DYNLT5: variants seen among roughly 807,000 people sequenced by gnomAD.
The protein encoded by DYNLT5 is dynein light chain Tctex-type 5.
In DYNLT5, 25 loss-of-function variants were observed where a neutral mutation model predicts 19.3. The observed-to-expected ratio is 1.30, with a 90% CI of 0.95 to 1.81. The LOEUF (loss-of-function observed/expected upper bound fraction) is 1.81, where lower values mean the gene tolerates loss of function less well. Ranked by LOEUF, DYNLT5 falls within the 40% of genes most tolerant of loss-of-function variation. DYNLT5 has a pLI of 0.00. For missense variants in DYNLT5, 232 were observed against 217.9 expected (o/e 1.06, Z -0.41); for synonymous variants, 82 against 68.9 (o/e 1.19, Z -0.94).
chr1:66,776,253 G>A (rs1172977805), intron 3 of DYNLT5, 26 bp from the exon 4 acceptor site: 1 of 1,607,364 alleles, frequency 6.2e-7, no homozygotes, highest in Non-Finnish European at 8.5e-7. Flanking sequence ...TTACTTTTTA[G>A]AAATAAATTT....
At chr1:66,757,895 G>A (rs1450976481) in intron 2 of DYNLT5, among the ~76,000 whole-genome samples, 2 of 152,146 alleles carry the variant, frequency 1.3e-5, no homozygotes, top group East Asian at 1.9e-4. Flanking sequence ...TCACTTGTGC[G>A]TTGTCTCTGG....
At position 66,777,315 on chromosome 1, in the gene DYNLT5, T is replaced by G. The variant is rs370521417; in HGVS notation, c.401T>G (p.Ile134Ser). 6.2e-7 allele frequency: 1 copy of G among 1,614,006 alleles called. No homozygotes were observed. The highest frequency in any genetic ancestry group is 1.1e-5 in the South Asian group (1 of 91,068). ...PRYKLIVIVH[I>S]GQLNRQSILI... ...TATAAACTAATTGTGATTGTTCACA[T>G]TGGACAACTGAACAGGCAGAGCATA... The change falls in exon 5 of 5, where the codon ATT becomes AGT. Residue 134 changes from isoleucine to serine, a missense_variant. By Grantham distance (142) the Ile-to-Ser change is moderately radical (BLOSUM62 -2). Transcript: ENST00000282670.
At chr1:66,762,056 T>G (rs2094646865) in intron 2 of DYNLT5, among the ~76,000 whole-genome samples, 1 of 152,234 alleles carries the variant, frequency 6.6e-6, no homozygotes, top group Admixed American at 6.5e-5. Flanking sequence ...AGAAACCACT[T>G]TCTTTGCTCA....
At chr1:66,754,873 G>T (rs1298596765) in intron 2 of DYNLT5, 96 bp downstream of exon 2, 3 of 1,312,074 alleles carry the variant, frequency 2.3e-6, no homozygotes, top group Non-Finnish European at 3.0e-6. Context: ...GACATAAAAA[G>T]AGATAAAATG....
At chr1:66,766,239 A>G (rs1171808333) in intron 2 of DYNLT5, among the ~76,000 whole-genome samples, 1 of 152,228 alleles carries the variant, frequency 6.6e-6, no homozygotes, top group Non-Finnish European at 1.5e-5. Flanking sequence ...AAACCGTAGC[A>G]TTCACTTTAC....
At chr1:66,770,907 A>T (rs1645200167) in intron 3 of DYNLT5, 3 of 226,988 alleles carry the variant, frequency 1.3e-5, no homozygotes, top group African/African-American at 7.0e-5. Flanking sequence ...AGAGACGTTT[A>T]TCCATTACCA....
At chr1:66,765,387 A>G (rs1368750608) in intron 2 of DYNLT5, among the ~76,000 whole-genome samples, 1 of 152,180 alleles carries the variant, frequency 6.6e-6, no homozygotes, top group Non-Finnish European at 1.5e-5. Flanking sequence ...CTGCAGCTTC[A>G]AAACATCTAG....
intron 2 of DYNLT5, among the ~76,000 whole-genome samples, chr1:66,767,029 A>G (rs757088040): frequency 1.3e-5 from 2 of 152,062 alleles, no homozygotes; most frequent in African/African-American, 2.4e-5. Context: ...AAAGATAACT[A>G]TTGGGTACTA....
rs1645166265 is a variant in DYNLT5 at position 66,767,373 on chromosome 1, C to A, written c.120-3014C>A. Among the ~76,000 whole-genome samples the A allele has an allele frequency of 2.0e-5, 3 of 152,144 alleles. No individual in the cohort carries two copies. The South Asian group carries it at 6.2e-4, about 31-fold the overall frequency. ...TTTCGAGCTGTGCTTGTGCCTCAGCCTCCCAAGTAGCTGGGATCTCAGGTA... is the reference window on the plus strand; with the variant it reads ...TTTCGAGCTGTGCTTGTGCCTCAGCATCCCAAGTAGCTGGGATCTCAGGTA... On this transcript the variant is annotated intron_variant, in intron 2 of 4. Transcript: ENST00000282670.
chr1:66,770,328 T>G (rs1645196726), intron 2 of DYNLT5, 59 bp from the exon 3 acceptor site: 1 of 1,111,348 alleles, frequency 9.0e-7, no homozygotes, highest in Non-Finnish European at 1.4e-6. Flanking sequence ...AAAGCAATAT[T>G]GTATTTTGTT....
At chr1:66,776,546 T>C in intron 4 of DYNLT5, 143 bp downstream of exon 4, 1 of 762,334 alleles carries the variant, frequency 1.3e-6, no homozygotes, top group Non-Finnish European at 1.8e-6. Flanking sequence ...ATTCTACATA[T>C]ATGTGTGTGT....
intron 3 of DYNLT5, among the ~76,000 whole-genome samples, chr1:66,774,405 A>ATTTTAC: frequency 3.8e-5 from 1 of 26,386 alleles, no homozygotes; most frequent in South Asian, 1.1e-3. Flanking sequence ...TTTAAGAACC[A>ATTTTAC]CTTTCTAGAT....
chr1:66,764,034 C>T (rs2150863086), intron 2 of DYNLT5, among the ~76,000 whole-genome samples: 1 of 151,832 alleles, frequency 6.6e-6, no homozygotes, highest in Non-Finnish European at 1.5e-5. Flanking sequence ...AAAATTAAAA[C>T]AAAATTAGCC....
chr1:66,755,723 G>C (rs566183640), intron 2 of DYNLT5: 1 of 152,262 alleles, frequency 6.6e-6, no homozygotes, highest in East Asian at 1.9e-4. Flanking sequence ...TTTTACAGGT[G>C]GGAAACTGAC....
chr1:66,776,378 G>T lies in DYNLT5; in HGVS notation c.311G>T (p.Arg104Ile). Residue 104 changes from arginine (R) to isoleucine (I), a missense_variant, in exon 4 of 5, where the codon AGA (arginine) becomes ATA (isoleucine). Transcript: ENST00000282670. ...GAAGAATATGAACCAGAGCTCTGTA[G>T]ACAGATGACTAAAACCATTTCTGAG... is the stretch of plus-strand genomic sequence containing the variant. ...QVEEYEPELC[R>I]QMTKTISEVI... 6.2e-7 allele frequency: 1 copy of T among 1,605,676 alleles called. No individual in the cohort carries two copies.
In DYNLT5 at chr1:66,760,062, T is replaced by C. The variant is rs372365376; in HGVS notation, c.119+5285T>C. Among the ~76,000 whole-genome samples, 13 of 152,280 alleles carry C rather than the reference T, an allele frequency of 8.5e-5. No individual in the cohort carries two copies. The East Asian group carries it at 1.2e-3, about 14-fold the overall frequency. On this transcript the variant is annotated intron_variant, in intron 2 of 4. Coordinates refer to ENST00000282670, the MANE Select transcript of DYNLT5 (RefSeq NM_152665.3). ...GTGGTTCATTTCCTCACCTCCTTTC[T>C]TTGTTCATGAAGGCCTACCTTGACC...
In DYNLT5 at chr1:66,778,351, A is replaced by C. The variant is rs1293723073; in HGVS notation, c.*897A>C. ...TTTTACTCCTATGAATTTAATACTA[A>C]AGTGACCCAGTGAGGTTTTTGAATA... On this transcript the variant is annotated 3_prime_UTR_variant, in exon 5 of 5. Coordinates refer to ENST00000282670, the MANE Select transcript of DYNLT5 (RefSeq NM_152665.3). 2 of 152,766 alleles carry C rather than the reference A, an allele frequency of 1.3e-5. No individual in the cohort carries two copies. The highest frequency in any genetic ancestry group is 3.9e-4 in the East Asian group (2 of 5,190). 9.5% of individuals were successfully genotyped at this position (152,766 alleles called of 1,614,324 possible).
chr1:66,764,186 T>A (rs891108038), intron 2 of DYNLT5, among the ~76,000 whole-genome samples: 2 of 151,918 alleles, frequency 1.3e-5, no homozygotes, highest in East Asian at 3.9e-4. Context: ...AGATTCTGTC[T>A]CAAAAAAAAA....
chr1:66,778,536 G>A lies in DYNLT5; in HGVS notation c.*1082G>A, dbSNP rs1165066977. ...TTGGATGGTAAGTGGACTGCCTAGA[G>A]GACATTTGTTAAAGGTCAAAGACAA... On this transcript the variant is annotated 3_prime_UTR_variant, in exon 5 of 5. Coordinates refer to ENST00000282670, the MANE Select transcript of DYNLT5 (RefSeq NM_152665.3). 6.6e-6 allele frequency: 1 copy of A among 152,586 alleles called. No individual in the cohort carries two copies. Among genetic ancestry groups the A allele is most frequent in the African/African-American group, 2.4e-5 (1 of 41,438 alleles). 9.5% of individuals were successfully genotyped at this position (152,586 alleles called of 1,614,324 possible). A position where few individuals can be genotyped will look rare whatever the true frequency, so the allele number is the denominator to read the frequency against.
Sources: allele counts gnomAD v4.1 joint callset (sites outside exome capture counted in the v4.1 genomes callset), GRCh38; gene constraint gnomAD v4.1.1; transcripts MANE v1.5; gene names NCBI Gene and HGNC (gene_info 2026-07-23, HGNC 2026-07-21).